PCDH15: variants seen among roughly 807,000 people sequenced by gnomAD.
PCDH15 encodes the protein protocadherin related 15.
A neutral mutation model predicts 178.5 loss-of-function variants in PCDH15; 129 were observed. That is an observed-to-expected ratio of 0.72 (90% CI 0.63 to 0.84). The LOEUF (loss-of-function observed/expected upper bound fraction) is 0.84, where lower values mean the gene tolerates loss of function less well. Among genes scored for constraint, PCDH15 ranks in the 40% least tolerant of loss-of-function variants. The pLI is 0.00. For synonymous variants in PCDH15, 800 were observed against 732.0 expected, an observed-to-expected ratio of 1.09 and a Z score of -1.50; for missense variants, 2,230 against 2,099.9, an observed-to-expected ratio of 1.06 and a Z score of -1.21.
chr10:55,069,058 CA>C (rs1485158527), intron 2 of PCDH15, among the ~76,000 whole-genome samples: 2 of 102,890 alleles, frequency 1.9e-5, no homozygotes, highest in Non-Finnish European at 3.9e-5. Flanking sequence ...CCACCATGTC[CA>C]GCTATTTTTT....
At chr10:54,319,089 G>A (rs2061440816) in intron 7 of PCDH15, among the ~76,000 whole-genome samples, 1 of 152,156 alleles carries the variant, frequency 6.6e-6, no homozygotes, top group African/African-American at 2.4e-5. Context: ...GTCAAGGGTG[G>A]TGGTGGTAGC....
chr10:53,905,007 C>A (rs2082576806), intron 25 of PCDH15, among the ~76,000 whole-genome samples: 1 of 152,096 alleles, frequency 6.6e-6, no homozygotes, highest in Non-Finnish European at 1.5e-5. Flanking sequence ...ATACAATTTG[C>A]AAAGAACAAG....
chr10:54,446,609 T>C (rs989379809), intron 3 of PCDH15, among the ~76,000 whole-genome samples: 2 of 151,610 alleles, frequency 1.3e-5, no homozygotes, highest in Non-Finnish European at 1.5e-5. Context: ...ATATTTAAGA[T>C]GTACCACATG....
intron 2 of PCDH15, among the ~76,000 whole-genome samples, chr10:55,514,951 C>T (rs1303451536): frequency 6.7e-6 from 1 of 148,426 alleles, no homozygotes. Context: ...GTTTTGGCTT[C>T]TGAGGCAAAA....
intron 5 of PCDH15, among the ~76,000 whole-genome samples, chr10:54,367,900 C>T (rs892555081): frequency 6.6e-6 from 1 of 151,174 alleles, no homozygotes; most frequent in Non-Finnish European, 1.5e-5. Context: ...TCACTTTATA[C>T]CAAAAATAAA....
rs1840975603 is a variant in PCDH15 at position 53,803,285 on chromosome 10, C to T, written c.*3294G>A. The T allele has an allele frequency of 1.3e-5, 2 of 151,746 alleles. No homozygotes were observed. Among genetic ancestry groups the T allele is most frequent in the Non-Finnish European group, 2.9e-5 (2 of 67,830 alleles). The allele number at this position is 151,746 out of a possible 1,614,324, so 9.4% of individuals were successfully genotyped here. A position where few individuals can be genotyped will look rare whatever the true frequency, so the allele number is the denominator to read the frequency against. On this transcript the variant is annotated 3_prime_UTR_variant, in exon 38 of 38. Coordinates refer to ENST00000644397, the MANE Select transcript of PCDH15 (RefSeq NM_001384140.1). ...AAATTCAAGTGGTATATAAATCCCA[C>T]TTAAGGTATAAAGTGCAGAAGGTGA...
intron 2 of PCDH15, among the ~76,000 whole-genome samples, chr10:54,569,491 A>T (rs780377307): frequency 7.2e-5 from 11 of 152,182 alleles, no homozygotes; most frequent in Non-Finnish European, 1.2e-4. Flanking sequence ...AGTACACAAA[A>T]GTCATTACTA....
chr10:54,489,083 G>A (rs1480106422), intron 3 of PCDH15, among the ~76,000 whole-genome samples: 1 of 151,990 alleles, frequency 6.6e-6, no homozygotes, highest in Non-Finnish European at 1.5e-5. Context: ...TGTTTCCTGT[G>A]TGTTGTGCTG....
intron 26 of PCDH15, among the ~76,000 whole-genome samples, chr10:53,884,657 C>T (rs538885821): frequency 6.6e-6 from 1 of 152,178 alleles, no homozygotes; most frequent in Non-Finnish European, 1.5e-5. Flanking sequence ...CTGTTAAGTC[C>T]AGTAGGAATT....
intron 29 of PCDH15, among the ~76,000 whole-genome samples, chr10:53,837,666 A>G (rs2077385100): frequency 6.6e-6 from 1 of 152,078 alleles, no homozygotes; most frequent in Non-Finnish European, 1.5e-5. Context: ...ACATTTATGC[A>G]GTGTTAAAAA....
chr10:53,808,590 G>T, intron 37 of PCDH15: 1 of 1,468,664 alleles, frequency 6.8e-7, no homozygotes, highest in Non-Finnish European at 9.0e-7. Flanking sequence ...TCAAAATCTT[G>T]ATCAATTTCC....
At chr10:53,968,668 T>C (rs568926995) in intron 21 of PCDH15, among the ~76,000 whole-genome samples, 1 of 152,218 alleles carries the variant, frequency 6.6e-6, no homozygotes, top group South Asian at 2.1e-4. Flanking sequence ...AGAGGAAGGA[T>C]CAGGCAGCAA....
At chr10:54,939,519 A>AAAAAAAAAAAAAAC in intron 2 of PCDH15, among the ~76,000 whole-genome samples, 1 of 150,408 alleles carries the variant, frequency 6.6e-6, no homozygotes, top group African/African-American at 2.4e-5. Context: ...AAAAAAAAAA[A>AAAAAAAAAAAAAAC]AAAATCAGTG....
At chr10:55,419,660 C>G (rs1176451969) in intron 2 of PCDH15, among the ~76,000 whole-genome samples, 1 of 151,628 alleles carries the variant, frequency 6.6e-6, no homozygotes, top group Admixed American at 6.6e-5. Context: ...CTGGTGCCAA[C>G]AGAAATGATT....
intron 2 of PCDH15, among the ~76,000 whole-genome samples, chr10:55,492,186 T>TATA (rs761522334): frequency 4.0e-5 from 6 of 151,626 alleles, no homozygotes; most frequent in Non-Finnish European, 8.8e-5. Flanking sequence ...CAAGGGAATC[T>TATA]ATAAGCTTTT....
intron 3 of PCDH15, among the ~76,000 whole-genome samples, chr10:54,436,028 AGAGG>A (rs2075372949): frequency 1.0e-4 from 2 of 19,076 alleles, no homozygotes; most frequent in African/African-American, 6.1e-4. Flanking sequence ...AGAGGAGAGG[AGAGG>A]AGAGAGAGAG....
chr10:55,036,440 C>T (rs956758805), intron 2 of PCDH15, among the ~76,000 whole-genome samples: 1 of 152,100 alleles, frequency 6.6e-6, no homozygotes, highest in African/African-American at 2.4e-5. Context: ...TGTTAAGAGT[C>T]TTAGCTTAGA....
chr10:54,040,768 T>C (rs947481969), intron 18 of PCDH15, among the ~76,000 whole-genome samples: 2 of 152,086 alleles, frequency 1.3e-5, no homozygotes, highest in African/African-American at 2.4e-5. Context: ...AGTGTCACAC[T>C]ACAAATGTGA....
At chr10:54,169,616 T>C (rs983750721) in intron 13 of PCDH15, among the ~76,000 whole-genome samples, 1 of 150,608 alleles carries the variant, frequency 6.6e-6, no homozygotes, top group African/African-American at 2.5e-5. Context: ...CTCCTTTGCA[T>C]ACTCCTCTTG....
Sources: gnomAD v4.1 joint callset for allele counts (sites outside exome capture counted in the v4.1 genomes callset) on GRCh38, gnomAD v4.1.1 for gene constraint, MANE v1.5 for transcripts, NCBI Gene and HGNC (gene_info 2026-07-23, HGNC 2026-07-21) for gene names.